THSD4: variants seen among roughly 807,000 people sequenced by gnomAD.
THSD4 encodes thrombospondin type-1 domain-containing protein 4.
A neutral mutation model predicts 119.0 loss-of-function variants in THSD4; 69 were observed. The ratio of observed to expected loss-of-function variants is 0.58; its 90% CI spans 0.48 to 0.71. THSD4 has a LOEUF of 0.71. Among genes scored for constraint, THSD4 ranks in the 30% least tolerant of loss-of-function variants. THSD4 has a pLI of 0.00. For synonymous variants in THSD4, 524 were observed against 540.4 expected, an observed-to-expected ratio of 0.97 and a Z score of 0.42; for missense variants, 1,393 against 1,391.1, an observed-to-expected ratio of 1.00 and a Z score of -0.02.
At position 71,356,067 on chromosome 15, in the gene THSD4, C is replaced by T. The variant is rs186702375; in HGVS notation, c.1016-55620C>T. The stretch of plus-strand genomic sequence containing the variant: ...ATTTTTAGTAGAGACAGGGTTTCAC[C>T]GTGTTGCCCAAACTGGTCTCGAACT... On this transcript the variant is annotated intron_variant, in intron 6 of 17. Coordinates refer to ENST00000261862, the MANE Select transcript of THSD4 (RefSeq NM_024817.3). Among the ~76,000 whole-genome samples the T allele has an allele frequency of 7.2e-5, 11 of 152,134 alleles. No individual in the cohort carries two copies. The South Asian group carries it at 1.0e-3, about 14-fold the overall frequency.
chr15:71,485,861 C>T lies in THSD4; in HGVS notation c.1152+74038C>T, dbSNP rs192447245. Among the ~76,000 whole-genome samples the T allele has an allele frequency of 3.1e-3, 465 of 152,220 alleles. 7 individuals carry two copies. Among genetic ancestry groups the T allele is most frequent in the Non-Finnish European group, 7.1e-4 (48 of 68,014 alleles). ...GTCATACTTAGTTATTACTACAGCC[C>T]AGTGACAAGTTTGTTTTTCAAGCTG... On this transcript the variant is annotated intron_variant, in intron 7 of 17. Transcript: ENST00000261862.
intron 4 of THSD4, among the ~76,000 whole-genome samples, chr15:71,226,396 G>A (rs1345658962): frequency 1.3e-5 from 2 of 152,166 alleles, no homozygotes; most frequent in African/African-American, 2.4e-5. Flanking sequence ...GTGCACACAT[G>A]GATGTATGTG....
chr15:71,716,922 G>A (rs2052622281), intron 8 of THSD4, among the ~76,000 whole-genome samples: 1 of 152,032 alleles, frequency 6.6e-6, no homozygotes, highest in African/African-American at 2.4e-5. Context: ...GGAACTTCTG[G>A]GTCAGACCTG....
chr15:71,688,555 A>C (rs2051967439), intron 8 of THSD4, among the ~76,000 whole-genome samples: 1 of 152,230 alleles, frequency 6.6e-6, no homozygotes, highest in South Asian at 2.1e-4. Flanking sequence ...TGAGAAGCTT[A>C]TTTGCAAAAA....
intron 5 of THSD4, among the ~76,000 whole-genome samples, chr15:71,251,433 G>A (rs1052475833): frequency 2.6e-5 from 4 of 152,210 alleles, no homozygotes; most frequent in Non-Finnish European, 4.4e-5. Context: ...GGGCCTGGAA[G>A]GTGGTACAGG....
chr15:71,767,243 A>G (rs748271298), intron 16 of THSD4: 7 of 152,240 alleles, frequency 4.6e-5, no homozygotes, highest in Non-Finnish European at 1.0e-4. Context: ...GAACTAAGTA[A>G]ATATTTTAGA....
chr15:71,503,344 A>G (rs1403739029), intron 7 of THSD4, among the ~76,000 whole-genome samples: 2 of 152,192 alleles, frequency 1.3e-5, no homozygotes, highest in Admixed American at 1.3e-4. Flanking sequence ...ATCAGAGCAC[A>G]GCTCTGTAGG....
chr15:71,271,536 C>A (rs1455316368), intron 6 of THSD4, among the ~76,000 whole-genome samples: 1 of 152,154 alleles, frequency 6.6e-6, no homozygotes, highest in East Asian at 1.9e-4. Flanking sequence ...TGTTTTATGT[C>A]ATGATTGGCA....
At chr15:71,382,848 G>T (rs1419240384) in intron 6 of THSD4, among the ~76,000 whole-genome samples, 1 of 152,080 alleles carries the variant, frequency 6.6e-6, no homozygotes, top group Admixed American at 6.6e-5. Context: ...ATTAAAAAAT[G>T]CAGAAGTATA....
chr15:71,554,115 A>T lies in THSD4; in HGVS notation c.1153-106415A>T, dbSNP rs574616453. Among the ~76,000 whole-genome samples the T allele has an allele frequency of 3.9e-5, 5 of 127,410 alleles. No homozygotes were observed. In the East Asian group the frequency reaches 9.0e-4, roughly 23 times the overall value. The allele number at this position is 127,410 out of a possible 152,430, so 83.6% of individuals were successfully genotyped here. A position where few individuals can be genotyped will look rare whatever the true frequency, so the allele number is the denominator to read the frequency against. ...GTTTGGTTTTTTTTTTTTCAGATGG[A>T]GTCTCGCTCTGTCGCCCAGGCTGGA... On this transcript the variant is annotated intron_variant, in intron 7 of 17. Coordinates refer to ENST00000261862, the MANE Select transcript of THSD4 (RefSeq NM_024817.3).
intron 7 of THSD4, among the ~76,000 whole-genome samples, chr15:71,460,681 A>G (rs1381704821): frequency 6.6e-6 from 1 of 152,316 alleles, no homozygotes; most frequent in East Asian, 1.9e-4. Flanking sequence ...TGAAAATAGT[A>G]AAAGACTGCC....
chr15:71,374,877 C>T (rs1325868628), intron 6 of THSD4, among the ~76,000 whole-genome samples: 1 of 152,192 alleles, frequency 6.6e-6, no homozygotes, highest in Non-Finnish European at 1.5e-5. Flanking sequence ...GACCATTAAT[C>T]ACCATGCACA....
Position 71,738,412 on chromosome 15 carries a change from G to A in THSD4, c.1906+405G>A, listed in dbSNP as rs188130346. Among the ~76,000 whole-genome samples the A allele has an allele frequency of 9.2e-5, 14 of 152,320 alleles. No homozygotes were observed. The East Asian group carries it at 2.3e-3, about 25-fold the overall frequency. ...AAATGGCAAACCCTCACCTCTGTGA[G>A]CCTGTCTATGAGATGGCTCATGGGT... On this transcript the variant is annotated intron_variant, in intron 11 of 17. Transcript: ENST00000261862.
At chr15:71,256,843 C>A in intron 6 of THSD4, 128 bp downstream of exon 6, 1 of 777,492 alleles carries the variant, frequency 1.3e-6, no homozygotes, top group South Asian at 1.8e-5. Flanking sequence ...GAAAGTGTGA[C>A]TCCAGGGCAA....
At chr15:71,501,796 C>A (rs2048116515) in intron 7 of THSD4, among the ~76,000 whole-genome samples, 1 of 152,212 alleles carries the variant, frequency 6.6e-6, no homozygotes. Context: ...CAAAGCAGCA[C>A]ACCCATTGTT....
At chr15:71,336,151 C>T (rs142317231) in intron 6 of THSD4, among the ~76,000 whole-genome samples, 1 of 152,328 alleles carries the variant, frequency 6.6e-6, no homozygotes, top group African/African-American at 2.4e-5. Flanking sequence ...TCCCTCTCCC[C>T]ACAAAATGCT....
chr15:71,315,002 C>G (rs1010702980), intron 6 of THSD4, among the ~76,000 whole-genome samples: 1 of 152,086 alleles, frequency 6.6e-6, no homozygotes, highest in Non-Finnish European at 1.5e-5. Flanking sequence ...AATTCAAGCT[C>G]CAGGGCTATT....
chr15:71,702,590 A>T (rs2052313791), intron 8 of THSD4, among the ~76,000 whole-genome samples: 1 of 152,166 alleles, frequency 6.6e-6, no homozygotes. Flanking sequence ...CCTGTAACCC[A>T]CACACCTCCA....
chr15:71,157,233 A>G (rs935643147), intron 3 of THSD4, among the ~76,000 whole-genome samples: 3 of 152,210 alleles, frequency 2.0e-5, no homozygotes, highest in Admixed American at 6.5e-5. Context: ...AAGGTCCCCA[A>G]ATAGGTATCA....
Sources: allele counts gnomAD v4.1 joint callset (sites outside exome capture counted in the v4.1 genomes callset), GRCh38; gene constraint gnomAD v4.1.1; transcripts MANE v1.5; gene names NCBI Gene and HGNC (gene_info 2026-07-23, HGNC 2026-07-21).